EML6: variants seen among roughly 807,000 people sequenced by gnomAD.
The protein encoded by EML6 is echinoderm microtubule-associated protein-like 6.
A neutral mutation model predicts 240.1 loss-of-function variants in EML6; 154 were observed. The observed-to-expected ratio is 0.64, with a 90% CI of 0.56 to 0.73. EML6 has a LOEUF of 0.73. Ranked by LOEUF, EML6 falls within the 30% of genes least tolerant of loss-of-function variation. The probability of loss-of-function intolerance (pLI) is 0.00; values close to 1 mark genes in which losing one functional copy is unlikely to be tolerated. For synonymous variants in EML6, 1,148 were observed against 899.0 expected, an observed-to-expected ratio of 1.28 and a Z score of -4.95; for missense variants, 2,964 against 2,474.6, an observed-to-expected ratio of 1.20 and a Z score of -4.20.
intron 2 of EML6, among the ~76,000 whole-genome samples, chr2:54,790,486 G>A (rs926638692): frequency 6.6e-6 from 1 of 152,136 alleles, no homozygotes; most frequent in Non-Finnish European, 1.5e-5. Context: ...CTCTTAATCT[G>A]TGTGTACAAC....
At chr2:54,809,377 C>T (rs550756440) in intron 2 of EML6, among the ~76,000 whole-genome samples, 4 of 152,292 alleles carry the variant, frequency 2.6e-5, no homozygotes, top group African/African-American at 9.6e-5. Flanking sequence ...GTGACTTGCG[C>T]TATGGGAGGA....
intron 2 of EML6, among the ~76,000 whole-genome samples, chr2:54,736,670 C>G (rs556614650): frequency 6.6e-6 from 1 of 152,198 alleles, no homozygotes. Flanking sequence ...CGTGCTTAAC[C>G]TCTTCACAGC....
At chr2:54,875,598 A>G (rs1303789431) in intron 16 of EML6, among the ~76,000 whole-genome samples, 1 of 152,276 alleles carries the variant, frequency 6.6e-6, no homozygotes, top group Non-Finnish European at 1.5e-5. Context: ...GTGAGGATTT[A>G]GATTGTTCTT....
chr2:54,880,876 T>A (rs1215486606), intron 17 of EML6: 3 of 152,224 alleles, frequency 2.0e-5, no homozygotes, highest in Admixed American at 2.0e-4. Flanking sequence ...AATGCAATTT[T>A]CCTGCTAGAA....
chr2:54,860,978 C>T (rs1355115117), intron 12 of EML6, among the ~76,000 whole-genome samples: 1 of 152,178 alleles, frequency 6.6e-6, no homozygotes, highest in African/African-American at 2.4e-5. Context: ...AATGGGTTTA[C>T]AAACACTTAC....
At chr2:54,954,522 G>A (rs1676140914) in intron 32 of EML6, among the ~76,000 whole-genome samples, 1 of 152,194 alleles carries the variant, frequency 6.6e-6, no homozygotes, top group Admixed American at 6.5e-5. Context: ...ATGGCCCCTG[G>A]ATCCTACTAC....
At position 54,725,262 on chromosome 2, in the gene EML6, AG is replaced by A; in HGVS notation, c.197+9del. Reference sequence around the variant, plus strand: ...GACACAACGACGACATTATCAGGTAAGGGGGTGGCCAGGGGCGGCGGGGAGG... The same window carrying A: ...GACACAACGACGACATTATCAGGTAAGGGGTGGCCAGGGGCGGCGGGGAGG... On this transcript the variant is annotated splice_donor_5th_base_variant and intron_variant, in intron 2 of 41. Transcript: ENST00000356458. This position sits in a 1 kb window ranked among gnomAD's most constrained non-coding sequence, Gnocchi z 4.3. 7.0e-7 allele frequency: 1 copy of A among 1,423,840 alleles called. No homozygotes were observed. Among genetic ancestry groups the A allele is most frequent in the Non-Finnish European group, 9.3e-7 (1 of 1,075,906 alleles). 88.2% of individuals were successfully genotyped at this position (1,423,840 alleles called of 1,614,324 possible). A position where few individuals can be genotyped will look rare whatever the true frequency, so the allele number is the denominator to read the frequency against.
intron 39 of EML6, 141 bp downstream of exon 39, chr2:54,967,244 G>C: frequency 1.7e-6 from 1 of 578,942 alleles, no homozygotes; most frequent in Admixed American, 3.0e-5. Context: ...GAGGGTGGGA[G>C]GCTTCTTGGC....
At chr2:54,844,024 T>G in intron 7 of EML6, 23 bp from the exon 8 acceptor site, 9 of 1,523,078 alleles carry the variant, frequency 5.9e-6, no homozygotes, top group Non-Finnish European at 8.0e-6. Flanking sequence ...AAGATTTGCT[T>G]TTGTTTTACT....
chr2:54,815,816 C>A (rs1166138364), intron 3 of EML6, among the ~76,000 whole-genome samples: 1 of 152,196 alleles, frequency 6.6e-6, no homozygotes, highest in Non-Finnish European at 1.5e-5. Context: ...CTGTTTCATC[C>A]ACACTGTGAG....
At chr2:54,789,166 C>A (rs1221742686) in intron 2 of EML6, among the ~76,000 whole-genome samples, 2 of 152,118 alleles carry the variant, frequency 1.3e-5, no homozygotes, top group Non-Finnish European at 2.9e-5. Context: ...ACAAAAACAG[C>A]AAAAACAATG....
intron 7 of EML6, among the ~76,000 whole-genome samples, chr2:54,838,175 A>G (rs183342110): frequency 6.6e-6 from 1 of 152,390 alleles, no homozygotes; most frequent in East Asian, 1.9e-4. Context: ...GGCACTTCAT[A>G]GTTCCTGGCA....
chr2:54,875,820 C>G (rs1034842923), intron 16 of EML6, among the ~76,000 whole-genome samples: 13 of 152,086 alleles, frequency 8.5e-5, no homozygotes, highest in African/African-American at 3.1e-4. Flanking sequence ...GAATAGAAAA[C>G]CAGATTAGAA....
chr2:54,828,406 G>T (rs1032707621), intron 6 of EML6, among the ~76,000 whole-genome samples: 1 of 152,194 alleles, frequency 6.6e-6, no homozygotes, highest in Non-Finnish European at 1.5e-5. Context: ...TGATAAAATT[G>T]TCCCTATAAA....
intron 12 of EML6, among the ~76,000 whole-genome samples, chr2:54,860,368 A>G (rs560831374): frequency 4.1e-4 from 62 of 152,254 alleles, no homozygotes; most frequent in Admixed American, 1.1e-3. Context: ...CATCCCCTGG[A>G]GCAGTTCTGA....
intron 28 of EML6, among the ~76,000 whole-genome samples, chr2:54,931,451 A>G (rs1674860466): frequency 1.3e-5 from 2 of 152,296 alleles, no homozygotes; most frequent in Admixed American, 6.5e-5. Flanking sequence ...AGAGGGACAG[A>G]GAAGGAAAAA....
At position 54,752,858 on chromosome 2, in the gene EML6, G is replaced by A. The variant is rs191032641; in HGVS notation, c.197+27600G>A. Among the ~76,000 whole-genome samples, 178 of 152,108 alleles carry A rather than the reference G, an allele frequency of 1.2e-3. 1 individual carries two copies. The highest frequency in any genetic ancestry group is 4.0e-3 in the African/African-American group (166 of 41,482). ...GGCTGGAGTGCAGTGGCACGATCAC[G>A]GCTTACTGCAACCTCTGCCTCCCAG... is the stretch of plus-strand genomic sequence containing the variant. On this transcript the variant is annotated intron_variant, in intron 2 of 41. Transcript: ENST00000356458.
intron 28 of EML6, among the ~76,000 whole-genome samples, chr2:54,936,412 C>G (rs565876381): frequency 1.3e-3 from 199 of 152,284 alleles, no homozygotes; most frequent in Non-Finnish European, 2.0e-3. Flanking sequence ...CTCATTTCTT[C>G]CTCACTTAAC....
intron 28 of EML6, among the ~76,000 whole-genome samples, chr2:54,938,912 C>A (rs1221559283): frequency 6.6e-6 from 1 of 152,206 alleles, no homozygotes; most frequent in East Asian, 1.9e-4. Flanking sequence ...GCCTTAAGAA[C>A]TGAACAATCA....
Sources: gnomAD v4.1 joint callset for allele counts (sites outside exome capture counted in the v4.1 genomes callset) on GRCh38, gnomAD v4.1.1 for gene constraint, Gnocchi (gnomAD v3.1) non-coding constraint, MANE v1.5 for transcripts, NCBI Gene and HGNC (gene_info 2026-07-23, HGNC 2026-07-21) for gene names.